PWWP2A: variants seen among roughly 807,000 people sequenced by gnomAD.
PWWP2A encodes PWWP domain containing 2A.
A neutral mutation model predicts 48.5 loss-of-function variants in PWWP2A; 18 were observed. That is an observed-to-expected ratio of 0.37 (90% CI 0.26 to 0.55). The LOEUF is 0.55. Ranked by LOEUF, PWWP2A falls within the 20% of genes least tolerant of loss-of-function variation. PWWP2A has a pLI of 0.81. For synonymous variants in PWWP2A, 396 were observed against 387.7 expected, an observed-to-expected ratio of 1.02 and a Z score of -0.25; for missense variants, 867 against 976.4, an observed-to-expected ratio of 0.89 and a Z score of 1.49.
At chr5:160,068,979 G>C (rs113295499) in intron 2 of PWWP2A, among the ~76,000 whole-genome samples, 110 of 152,254 alleles carry the variant, frequency 7.2e-4, no homozygotes, top group African/African-American at 2.2e-3. Flanking sequence ...TGTCAGCTTA[G>C]GAGGCTTACT....
chr5:160,044,972 A>G, the PWWP2A span, among the ~76,000 whole-genome samples: 2 of 152,160 alleles, frequency 1.3e-5, no homozygotes, highest in Non-Finnish European at 2.9e-5. Flanking sequence ...TCTATATTAT[A>G]ATATAGAAGA....
At chr5:160,071,390 C>G (rs183499245), downstream of PWWP2A, among the ~76,000 whole-genome samples, 2 of 152,060 alleles carry the variant, frequency 1.3e-5, no homozygotes, top group Non-Finnish European at 2.9e-5. Flanking sequence ...TGGCGGCAGG[C>G]GGCAGATGTA....
At chr5:160,118,116 T>G (rs1758321075) in intron 1 of PWWP2A, among the ~76,000 whole-genome samples, 1 of 152,226 alleles carries the variant, frequency 6.6e-6, no homozygotes, top group Non-Finnish European at 1.5e-5. Flanking sequence ...ACTTGAACAT[T>G]TTTATGCTAC....
intron 1 of PWWP2A, chr5:160,108,728 C>G (rs534477845): frequency 4.2e-6 from 2 of 478,128 alleles, no homozygotes; most frequent in Admixed American, 2.6e-5. Flanking sequence ...AGGAAATCAT[C>G]AATTATTTTT....
intron 1 of PWWP2A, among the ~76,000 whole-genome samples, chr5:160,109,774 A>AAAATATATATATATATAT (rs1554104831): frequency 1.2e-4 from 3 of 25,222 alleles, no homozygotes; most frequent in African/African-American, 1.5e-4. Flanking sequence ...AAAAAAAAAA[A>AAAATATATATATATATAT]ATATATATAT....
At chr5:160,094,223 C>T (rs116694554) in intron 1 of PWWP2A, among the ~76,000 whole-genome samples, 158 bp from the exon 2 acceptor site, 1,952 of 152,270 alleles carry the variant, frequency 0.013, 47 homozygotes, top group African/African-American at 0.044. Context: ...TCTCTTCCCC[C>T]AAAAGTTCAA....
chr5:160,088,729 G>C (rs1754836512), downstream of PWWP2A, among the ~76,000 whole-genome samples: 1 of 152,088 alleles, frequency 6.6e-6, no homozygotes, highest in Admixed American at 6.6e-5. Flanking sequence ...CTAGACATTT[G>C]CCCATCTCTT....
intron 1 of PWWP2A, chr5:160,108,660 A>G (rs1417700069): frequency 9.2e-7 from 1 of 1,085,006 alleles, no homozygotes; most frequent in South Asian, 1.3e-5. Context: ...TTCCTCAAAA[A>G]ACACGTAAAT....
In PWWP2A at chr5:160,104,126, A is replaced by C. The variant is rs1424276617; in HGVS notation, c.585-10061T>G. 2.4e-3 allele frequency among the ~76,000 whole-genome samples: 355 copies of C among 149,924 alleles called. 1 individual carries two copies. The highest frequency in any genetic ancestry group is 8.2e-3 in the African/African-American group (336 of 40,920). On this transcript the variant is annotated intron_variant, in intron 1 of 1. Transcript: ENST00000307063. Reference sequence around the variant, plus strand: ...CAACAGAGTGAGACTCTGTCTCAAAAAAAAAAAAAAAAAAGAAATGAAAAA... The same window carrying C: ...CAACAGAGTGAGACTCTGTCTCAAACAAAAAAAAAAAAAAGAAATGAAAAA...
At chr5:160,084,154 G>A (rs888218652) in intron 2 of PWWP2A, among the ~76,000 whole-genome samples, 1 of 152,220 alleles carries the variant, frequency 6.6e-6, no homozygotes, top group African/African-American at 2.4e-5. Flanking sequence ...TATTTATACA[G>A]CCTCATGCAA....
chr5:160,069,189 G>A (rs1236227841), intron 2 of PWWP2A, among the ~76,000 whole-genome samples: 1 of 152,080 alleles, frequency 6.6e-6, no homozygotes, highest in Non-Finnish European at 1.5e-5. Flanking sequence ...AGGGGCTGAG[G>A]CAGGAGGATT....
chr5:160,077,747 A>T lies in PWWP2A; in HGVS notation c.*408T>A, dbSNP rs540465662. 145 of 172,644 alleles carry T rather than the reference A, an allele frequency of 8.4e-4. No individual in the cohort carries two copies. Among genetic ancestry groups the T allele is most frequent in the African/African-American group, 3.3e-3 (139 of 42,136 alleles). The allele number at this position is 172,644 out of a possible 1,614,324, so 10.7% of individuals were successfully genotyped here. On this transcript the variant is annotated 3_prime_UTR_variant, in exon 4 of 4. Coordinates refer to the PWWP2A transcript ENST00000456329. This position sits in a 1 kb window ranked among gnomAD's most constrained non-coding sequence, Gnocchi z 4.2. Reference sequence around the variant, plus strand: ...ACTGATTAACCTAAACCTTGGAGAAAGCACAAAGTTTAAGTATGAAAAATA... The same window carrying T: ...ACTGATTAACCTAAACCTTGGAGAATGCACAAAGTTTAAGTATGAAAAATA...
chr5:160,052,571 A>AAAC, the PWWP2A span, among the ~76,000 whole-genome samples: 1 of 148,896 alleles, frequency 6.7e-6, no homozygotes, highest in African/African-American at 2.5e-5. Flanking sequence ...AAAAAAAAAA[A>AAAC]AAACTGTTTG....
chr5:160,051,261 A>G, the PWWP2A span: 1 of 1,189,534 alleles, frequency 8.4e-7, no homozygotes, highest in South Asian at 1.5e-5. Context: ...CTAGAGGAGA[A>G]CACATGAGTT....
intron 1 of PWWP2A, among the ~76,000 whole-genome samples, chr5:160,095,075 A>T (rs953857775): frequency 6.8e-6 from 1 of 147,582 alleles, no homozygotes; most frequent in Non-Finnish European, 1.5e-5. Context: ...AAAAAAAAAA[A>T]AAGACTACTT....
At chr5:160,089,710 T>A (rs567658396), downstream of PWWP2A, 2 of 1,261,894 alleles carry the variant, frequency 1.6e-6, no homozygotes, top group Admixed American at 2.5e-5. Context: ...CTTCACTTGG[T>A]TTCTCCCCTG....
At chr5:160,069,401 G>A (rs552543370) in intron 2 of PWWP2A, among the ~76,000 whole-genome samples, 12 of 152,258 alleles carry the variant, frequency 7.9e-5, no homozygotes, top group East Asian at 1.9e-4. Context: ...GACTTAACCC[G>A]GTATTGCCCA....
At position 160,093,525 on chromosome 5, in the gene PWWP2A, G is replaced by T; in HGVS notation, c.1125C>A (p.Asn375Lys). ...LKTDHKVDGK[N>K]QNESQKRNAV... ...CATTTCTTTTCTGGCTTTCATTTTG[G>T]TTTTTCCCATCCACTTTATGGTCAG... is the stretch of plus-strand genomic sequence containing the variant. The change falls in exon 2 of 2, where the codon AAC becomes AAA. Residue 375 changes from asparagine to lysine, a missense_variant. Around this residue, in one of 4 missense-constraint regions of PWWP2A, gnomAD observed 382 missense variants for 407.2 expected, o/e 0.94. Coordinates refer to ENST00000307063, the MANE Select transcript of PWWP2A (RefSeq NM_001130864.2). The surrounding 1 kb of genome is among the most constrained non-coding windows in gnomAD (Gnocchi z 5.8). 1.2e-6 allele frequency: 2 copies of T among 1,613,784 alleles called. No homozygotes were observed. Among genetic ancestry groups the T allele is most frequent in the Non-Finnish European group, 1.7e-6 (2 of 1,179,830 alleles).
chr5:160,045,775 C>A, the PWWP2A span, among the ~76,000 whole-genome samples: 1 of 152,034 alleles, frequency 6.6e-6, no homozygotes, highest in South Asian at 2.1e-4. Flanking sequence ...CAGAGACTCG[C>A]TCTGTTGCCT....
Sources: gnomAD v4.1 joint callset for allele counts (sites outside exome capture counted in the v4.1 genomes callset) on GRCh38, gnomAD v4.1.1 for gene constraint, gnomAD v4.1.1 regional missense constraint, Gnocchi (gnomAD v3.1) non-coding constraint, MANE v1.5 for transcripts, NCBI Gene and HGNC (gene_info 2026-07-23, HGNC 2026-07-21) for gene names.